Variants in SNTB1 observed in about 807,000 individuals in gnomAD.
SNTB1 encodes the protein beta-1-syntrophin.
SNTB1 carries 36 observed loss-of-function variants against 48.9 expected under a neutral mutation model. The observed-to-expected ratio is 0.74, with a 90% CI of 0.56 to 0.97. The LOEUF (loss-of-function observed/expected upper bound fraction) is 0.97, where lower values mean the gene tolerates loss of function less well. Among genes scored for constraint, SNTB1 ranks in the 50% least tolerant of loss-of-function variants. The probability of loss-of-function intolerance (pLI) is 0.00; values close to 1 mark genes in which losing one functional copy is unlikely to be tolerated. For missense variants in SNTB1, 786 were observed against 703.4 expected, an observed-to-expected ratio of 1.12 and a Z score of -1.33; for synonymous variants, 299 against 294.6, an observed-to-expected ratio of 1.01 and a Z score of -0.15.
chr8:120,683,753 C>A (rs1817979094), intron 2 of SNTB1, among the ~76,000 whole-genome samples: 1 of 152,126 alleles, frequency 6.6e-6, no homozygotes, highest in Admixed American at 6.5e-5. Context: ...GACAGCTTGA[C>A]CTTCCAGTTC....
chr8:120,791,633 TATC>T, intron 1 of SNTB1, among the ~76,000 whole-genome samples: 1 of 151,676 alleles, frequency 6.6e-6, no homozygotes, highest in African/African-American at 2.4e-5. Context: ...TGTGGGCAAA[TATC>T]ATGAATACTT....
intron 3 of SNTB1, among the ~76,000 whole-genome samples, chr8:120,621,631 G>A (rs1419517256): frequency 6.6e-6 from 1 of 152,180 alleles, no homozygotes; most frequent in Non-Finnish European, 1.5e-5. Flanking sequence ...ACAAACAAGT[G>A]TAGTAATAGG....
intron 1 of SNTB1, among the ~76,000 whole-genome samples, chr8:120,752,470 T>G (rs1389883213): frequency 6.6e-6 from 1 of 152,132 alleles, no homozygotes; most frequent in Non-Finnish European, 1.5e-5. Flanking sequence ...TCAATCATTC[T>G]AGGAAAAAGA....
intron 1 of SNTB1, among the ~76,000 whole-genome samples, chr8:120,747,113 A>T (rs1171556594): frequency 6.6e-6 from 1 of 152,114 alleles, no homozygotes; most frequent in East Asian, 1.9e-4. Context: ...AATATATCAC[A>T]TGGTCTTATT....
At chr8:120,604,436 G>A (rs986498875) in intron 3 of SNTB1, among the ~76,000 whole-genome samples, 1 of 149,554 alleles carries the variant, frequency 6.7e-6, no homozygotes, top group Non-Finnish European at 1.5e-5. Context: ...CCCATGGCTT[G>A]GAAGCCTATG....
chr8:120,588,983 T>C (rs999029805), intron 3 of SNTB1, among the ~76,000 whole-genome samples: 1 of 152,218 alleles, frequency 6.6e-6, no homozygotes, highest in South Asian at 2.1e-4. Context: ...TCATAATGTA[T>C]ATACCACTCA....
intron 1 of SNTB1, among the ~76,000 whole-genome samples, chr8:120,780,717 A>C (rs1398609131): frequency 1.3e-5 from 2 of 152,240 alleles, no homozygotes; most frequent in Admixed American, 1.3e-4. Flanking sequence ...TGGCACCACA[A>C]ATGATCAACT....
intron 1 of SNTB1, among the ~76,000 whole-genome samples, chr8:120,786,908 A>G (rs1210521098): frequency 6.6e-6 from 1 of 152,186 alleles, no homozygotes; most frequent in Non-Finnish European, 1.5e-5. Flanking sequence ...ACTCGCCTGA[A>G]GCCTGAACTG....
intron 1 of SNTB1, among the ~76,000 whole-genome samples, chr8:120,752,987 G>GAAAAAAA (rs60198716): frequency 1.3e-5 from 1 of 76,558 alleles, no homozygotes; most frequent in Non-Finnish European, 3.2e-5. Context: ...AAAGCTGGAA[G>GAAAAAAA]AAAAAAAAAA....
chr8:120,610,745 T>A (rs192412416), intron 3 of SNTB1, among the ~76,000 whole-genome samples: 1 of 152,232 alleles, frequency 6.6e-6, no homozygotes, highest in African/African-American at 2.4e-5. Flanking sequence ...ACTCCTGAGA[T>A]CTTGTTGGGA....
At chr8:120,652,833 T>C (rs1008319400) in intron 2 of SNTB1, among the ~76,000 whole-genome samples, 3 of 152,158 alleles carry the variant, frequency 2.0e-5, no homozygotes, top group Non-Finnish European at 2.9e-5. Context: ...ACTCAGTAAA[T>C]GGGGGAAAAA....
chr8:120,760,281 A>G (rs993759781), intron 1 of SNTB1, among the ~76,000 whole-genome samples: 5 of 150,032 alleles, frequency 3.3e-5, no homozygotes, highest in African/African-American at 1.2e-4. Context: ...TCCTGTCCTC[A>G]CAATAAGAAA....
intron 2 of SNTB1, among the ~76,000 whole-genome samples, chr8:120,667,459 G>A (rs1372715351): frequency 6.6e-6 from 1 of 152,188 alleles, no homozygotes; most frequent in Non-Finnish European, 1.5e-5. Context: ...AGATACAGGA[G>A]GAGAAAATTT....
At chr8:120,798,888 G>A (rs948654483) in intron 1 of SNTB1, among the ~76,000 whole-genome samples, 2 of 152,024 alleles carry the variant, frequency 1.3e-5, no homozygotes, top group Non-Finnish European at 2.9e-5. Context: ...CCTAATGTTA[G>A]TATATTATGT....
chr8:120,593,443 G>A (rs1041274130), intron 3 of SNTB1, among the ~76,000 whole-genome samples: 1 of 152,166 alleles, frequency 6.6e-6, no homozygotes, highest in Non-Finnish European at 1.5e-5. Context: ...AGTATATCCT[G>A]TGTCACTCCA....
chr8:120,562,910 C>A (rs778951073), intron 4 of SNTB1, among the ~76,000 whole-genome samples: 1 of 149,820 alleles, frequency 6.7e-6, no homozygotes, highest in Non-Finnish European at 1.5e-5. Flanking sequence ...GAAAAAGAAA[C>A]GGGTTAGTTG....
chr8:120,551,450 C>T (rs1463844503), intron 4 of SNTB1, among the ~76,000 whole-genome samples: 2 of 151,982 alleles, frequency 1.3e-5, no homozygotes, highest in African/African-American at 4.8e-5. Flanking sequence ...GCATACAAAG[C>T]TGTATTAGAA....
intron 1 of SNTB1, among the ~76,000 whole-genome samples, chr8:120,729,054 A>G (rs57196351): frequency 0.1 from 15,566 of 150,682 alleles, 949 homozygotes; most frequent in East Asian, 0.18. Flanking sequence ...ATCTTGCCTC[A>G]CTGCAACTCT....
intron 2 of SNTB1, among the ~76,000 whole-genome samples, chr8:120,650,469 T>C (rs1395249869): frequency 3.9e-5 from 6 of 152,102 alleles, no homozygotes; most frequent in Non-Finnish European, 8.8e-5. Flanking sequence ...TCCCCCTTTT[T>C]TTCCCTCACC....
Sources: gnomAD v4.1 joint callset for allele counts (sites outside exome capture counted in the v4.1 genomes callset) on GRCh38, gnomAD v4.1.1 for gene constraint, MANE v1.5 for transcripts, NCBI Gene and HGNC (gene_info 2026-07-23, HGNC 2026-07-21) for gene names.